Variants in MCC observed in about 807,000 individuals in gnomAD.
MCC encodes the protein colorectal mutant cancer protein.
In MCC, 90 loss-of-function variants were observed where a neutral mutation model predicts 116.2. That is an observed-to-expected ratio of 0.77 (90% CI 0.65 to 0.92). The LOEUF is 0.92. MCC is among the 40% of genes least tolerant of loss of function. The probability of loss-of-function intolerance (pLI) is 0.00; values close to 1 mark genes in which losing one functional copy is unlikely to be tolerated. For synonymous variants in MCC, 578 were observed against 510.5 expected, an observed-to-expected ratio of 1.13 and a Z score of -1.78; for missense variants, 1,516 against 1,312.2, an observed-to-expected ratio of 1.16 and a Z score of -2.40.
chr5:113,367,965 G>C (rs1768743975), intron 2 of MCC, among the ~76,000 whole-genome samples: 1 of 152,188 alleles, frequency 6.6e-6, no homozygotes, highest in Non-Finnish European at 1.5e-5. Context: ...ATAGCAGTGA[G>C]GTAGTAGTGT....
At chr5:113,103,354 C>T (rs1479441213) in intron 7 of MCC, among the ~76,000 whole-genome samples, 4 of 152,340 alleles carry the variant, frequency 2.6e-5, no homozygotes, top group Admixed American at 2.6e-4. Context: ...CCTTGGCCTC[C>T]TCCTTCCCTC....
chr5:113,290,520 C>A (rs762041207), intron 3 of MCC, among the ~76,000 whole-genome samples: 3 of 152,174 alleles, frequency 2.0e-5, no homozygotes, highest in Non-Finnish European at 4.4e-5. Flanking sequence ...ACAACCAGAT[C>A]AAGCAGACAA....
intron 1 of MCC, among the ~76,000 whole-genome samples, chr5:113,396,203 C>G (rs1769521253): frequency 6.6e-6 from 1 of 152,154 alleles, no homozygotes. Flanking sequence ...TGGCATATGC[C>G]TGTAGTCCCG....
rs572024493 is a variant in MCC at position 113,435,720 on chromosome 5, A to T, written c.171-50508T>A. ...GTCTGAGCCTTTGCTGGCTTCTTAC[A>T]GCAGCTCTGTAGGAGGACAGCTGGC... is the stretch of plus-strand genomic sequence containing the variant. On this transcript the variant is annotated intron_variant, in intron 1 of 18. Transcript: ENST00000408903. The T allele has an allele frequency of 3.3e-5, 5 of 152,496 alleles. No homozygotes were observed. In the East Asian group the frequency reaches 9.7e-4, roughly 29 times the overall value. The allele number at this position is 152,496 out of a possible 1,614,324, so 9.4% of individuals were successfully genotyped here.
intron 11 of MCC, among the ~76,000 whole-genome samples, chr5:113,075,230 C>G (rs372413337): frequency 6.6e-6 from 1 of 152,216 alleles, no homozygotes; most frequent in Non-Finnish European, 1.5e-5. Flanking sequence ...CCGGCCCGCT[C>G]GCGCCACGCT....
At chr5:113,467,521 C>T (rs1472041625) in intron 1 of MCC, among the ~76,000 whole-genome samples, 1 of 152,080 alleles carries the variant, frequency 6.6e-6, no homozygotes, top group African/African-American at 2.4e-5. Context: ...TCTGAGGGCT[C>T]TGTTCTGTTC....
At chr5:113,139,736 T>C (rs1254315138) in intron 5 of MCC, among the ~76,000 whole-genome samples, 1 of 152,174 alleles carries the variant, frequency 6.6e-6, no homozygotes, top group Non-Finnish European at 1.5e-5. Flanking sequence ...CCATTTGACC[T>C]AGCAATCCCA....
At chr5:113,147,859 T>A (rs1180997170) in intron 4 of MCC, among the ~76,000 whole-genome samples, 1 of 152,200 alleles carries the variant, frequency 6.6e-6, no homozygotes, top group South Asian at 2.1e-4. Context: ...AGAAAAGTTA[T>A]CTCAGAAAAC....
chr5:113,163,309 A>G (rs994314050), intron 3 of MCC, among the ~76,000 whole-genome samples: 8 of 152,228 alleles, frequency 5.3e-5, no homozygotes, highest in African/African-American at 1.7e-4. Flanking sequence ...ATCAAAAATA[A>G]TAAGTTTTTG....
chr5:113,402,670 T>G (rs1769725844), intron 1 of MCC, among the ~76,000 whole-genome samples: 1 of 152,138 alleles, frequency 6.6e-6, no homozygotes, highest in South Asian at 2.1e-4. Context: ...TTCTACTCAC[T>G]CTCTCAGATT....
chr5:113,414,278 T>C (rs1467218587), intron 1 of MCC, among the ~76,000 whole-genome samples: 2 of 152,236 alleles, frequency 1.3e-5, no homozygotes, highest in Non-Finnish European at 2.9e-5. Context: ...TAGATGTCTA[T>C]TAGGTCCACT....
At chr5:113,118,215 T>C (rs1253176690) in intron 6 of MCC, among the ~76,000 whole-genome samples, 2 of 152,224 alleles carry the variant, frequency 1.3e-5, no homozygotes, top group African/African-American at 4.8e-5. Flanking sequence ...TGTTAGTTGG[T>C]ATACCCACCC....
chr5:113,456,763 G>A (rs191070243), intron 1 of MCC, among the ~76,000 whole-genome samples: 260 of 147,482 alleles, frequency 1.8e-3, no homozygotes, highest in African/African-American at 6.1e-3. Context: ...GAGCCACTGC[G>A]CCCGGCCAAT....
chr5:113,430,429 A>C (rs542956676), intron 1 of MCC, among the ~76,000 whole-genome samples: 1 of 152,318 alleles, frequency 6.6e-6, no homozygotes, highest in African/African-American at 2.4e-5. Context: ...TGCTAGACTT[A>C]AGATGGGCCT....
chr5:113,466,404 A>C (rs1210383754), intron 1 of MCC, among the ~76,000 whole-genome samples: 1 of 137,706 alleles, frequency 7.3e-6, no homozygotes, highest in East Asian at 2.1e-4. Flanking sequence ...TCATTGTTCA[A>C]TTCCCACCTA....
At chr5:113,259,930 A>T (rs1175968947) in intron 3 of MCC, among the ~76,000 whole-genome samples, 1 of 152,132 alleles carries the variant, frequency 6.6e-6, no homozygotes, top group Non-Finnish European at 1.5e-5. Context: ...TTTATTTCTT[A>T]AAAAAAGTCA....
At chr5:113,446,001 G>C (rs1156711026) in intron 1 of MCC, among the ~76,000 whole-genome samples, 1 of 152,078 alleles carries the variant, frequency 6.6e-6, no homozygotes, top group African/African-American at 2.4e-5. Context: ...CAAGAGGAAA[G>C]GACTCTATTC....
chr5:113,160,898 C>G (rs193130764), intron 3 of MCC, among the ~76,000 whole-genome samples: 1 of 152,260 alleles, frequency 6.6e-6, no homozygotes, highest in East Asian at 1.9e-4. Flanking sequence ...ATAGGTAAAA[C>G]AAGCCCTTAC....
At chr5:113,391,841 C>A (rs551792023) in intron 1 of MCC, among the ~76,000 whole-genome samples, 69 of 152,138 alleles carry the variant, frequency 4.5e-4, no homozygotes, top group Non-Finnish European at 4.6e-4. Flanking sequence ...CCTCTGGGGA[C>A]TGGGCATGGG....
Sources: allele counts gnomAD v4.1 joint callset (sites outside exome capture counted in the v4.1 genomes callset), GRCh38; gene constraint gnomAD v4.1.1; transcripts MANE v1.5; gene names NCBI Gene and HGNC (gene_info 2026-07-23, HGNC 2026-07-21).